Variants in PIAS2 observed in about 807,000 individuals in gnomAD.
The protein encoded by PIAS2 is protein inhibitor of activated STAT 2.
PIAS2 carries 19 observed loss-of-function variants against 69.7 expected under a neutral mutation model. The observed-to-expected ratio is 0.27, with a 90% confidence interval of 0.19 to 0.40. The LOEUF (loss-of-function observed/expected upper bound fraction) is 0.40, where lower values mean the gene tolerates loss of function less well. Among genes scored for constraint, PIAS2 ranks in the 10% least tolerant of loss-of-function variants. The probability of loss-of-function intolerance (pLI) is 1.00; values close to 1 mark genes in which losing one functional copy is unlikely to be tolerated. For missense variants in PIAS2, 624 were observed against 757.0 expected, an observed-to-expected ratio of 0.82 and a Z score of 2.06; for synonymous variants, 261 against 263.2, an observed-to-expected ratio of 0.99 and a Z score of 0.08.
intron 2 of PIAS2, among the ~76,000 whole-genome samples, chr18:46,888,688 G>C (rs1268207148): frequency 1.3e-5 from 2 of 152,152 alleles, no homozygotes; most frequent in Non-Finnish European, 1.5e-5. Context: ...TTCTCGTAAG[G>C]AGCATGCAAT....
intron 5 of PIAS2, among the ~76,000 whole-genome samples, chr18:46,848,789 GA>G (rs1163861915): frequency 7.0e-6 from 1 of 143,726 alleles, no homozygotes; most frequent in African/African-American, 2.5e-5. Context: ...GTGTGTGTGT[GA>G]GAGAGAGAGA....
chr18:46,844,651 C>T (rs926015050), intron 7 of PIAS2, 83 bp downstream of exon 7: 7 of 466,826 alleles, frequency 1.5e-5, no homozygotes, highest in African/African-American at 1.4e-4. Flanking sequence ...TTGATGTGAG[C>T]AATATTTAAA....
At chr18:46,861,799 A>G (rs2048707416) in intron 3 of PIAS2, among the ~76,000 whole-genome samples, 1 of 152,232 alleles carries the variant, frequency 6.6e-6, no homozygotes, top group Non-Finnish European at 1.5e-5. Flanking sequence ...GAAGCAGAGT[A>G]GGATGACTCA....
At chr18:46,852,088 C>T (rs2047052723) in intron 5 of PIAS2, among the ~76,000 whole-genome samples, 1 of 152,182 alleles carries the variant, frequency 6.6e-6, no homozygotes, top group Non-Finnish European at 1.5e-5. Context: ...TCCTATAGGG[C>T]CACAGCAGCT....
rs2040634092 is a variant in PIAS2, at chr18:46,805,276, CAGAA to C, written c.*7153_*7156del. On this transcript the variant is annotated 3_prime_UTR_variant, in exon 14 of 14. Coordinates refer to ENST00000585916, the MANE Select transcript of PIAS2 (RefSeq NM_004671.5). ...TCTGGACAAGTAGCAAAGAGGAAAA[CAGAA>C]AGCGTGGTTCAGTAGACGAAAATGC... 1 of 152,152 alleles carries C rather than the reference CAGAA, an allele frequency of 6.6e-6. No homozygotes were observed. The highest frequency in any genetic ancestry group is 2.4e-5 in the African/African-American group (1 of 41,426). 9.4% of individuals were successfully genotyped at this position (152,152 alleles called of 1,614,324 possible).
Position 46,805,187 on chromosome 18 carries a change from C to CTAT in PIAS2, c.*7245_*7246insATA, listed in dbSNP as rs2040630264. 6.6e-6 allele frequency: 1 copy of CTAT among 151,906 alleles called. No individual in the cohort carries two copies. The highest frequency in any genetic ancestry group is 2.4e-5 in the African/African-American group (1 of 41,326). The allele number at this position is 151,906 out of a possible 1,614,324, so 9.4% of individuals were successfully genotyped here. On this transcript the variant is annotated 3_prime_UTR_variant, in exon 14 of 14. Coordinates refer to ENST00000585916, the MANE Select transcript of PIAS2 (RefSeq NM_004671.5). The stretch of plus-strand genomic sequence containing the variant: ...GAGAATGGGCAAAGGAACTATGCTA[C>CTAT]GTCATGTCGGAGGATGGATAGGTTA...
At chr18:46,907,005 G>GT (rs1168184787) in intron 1 of PIAS2, among the ~76,000 whole-genome samples, 1 of 152,146 alleles carries the variant, frequency 6.6e-6, no homozygotes, top group Non-Finnish European at 1.5e-5. Context: ...TACAAAGGCA[G>GT]TAAGGACCTG....
chr18:46,890,569 C>A lies in PIAS2; in HGVS notation c.499+11G>T. The A allele has an allele frequency of 1.3e-6, 2 of 1,553,204 alleles. No individual in the cohort carries two copies. Among genetic ancestry groups the A allele is most frequent in the South Asian group, 1.1e-5 (1 of 88,250 alleles). Reference sequence around the variant, plus strand: ...TCTTGTTCAGAAGAAACTGAATTCTCAAACACTTACCTAAACTCGTGGGCT... The same window carrying A: ...TCTTGTTCAGAAGAAACTGAATTCTAAAACACTTACCTAAACTCGTGGGCT... On this transcript the variant is annotated intron_variant, in intron 2 of 13. Transcript: ENST00000585916.
intron 9 of PIAS2, among the ~76,000 whole-genome samples, chr18:46,834,865 T>G (rs115158075): frequency 0.013 from 1,992 of 152,274 alleles, 41 homozygotes; most frequent in African/African-American, 0.044. Flanking sequence ...GGCATGAGAG[T>G]GAAATGATTT....
intron 2 of PIAS2, among the ~76,000 whole-genome samples, chr18:46,865,095 GA>G (rs1327153850): frequency 1.3e-5 from 2 of 152,078 alleles, no homozygotes; most frequent in Non-Finnish European, 2.9e-5. Context: ...ATTATTACCT[GA>G]AATGTATTTA....
chr18:46,890,559 A>C, intron 2 of PIAS2, 21 bp downstream of exon 2: 1 of 1,433,082 alleles, frequency 7.0e-7, no homozygotes, highest in Non-Finnish European at 9.8e-7. Context: ...TTCAGAAGAA[A>C]CTGAATTCTC....
chr18:46,817,306 C>T (rs1277221891), intron 12 of PIAS2: 4 of 984,234 alleles, frequency 4.1e-6, no homozygotes, highest in Admixed American at 6.2e-5. Context: ...CAAAAATGCT[C>T]ATTTTCTAAA....
At chr18:46,886,613 G>A (rs905623034) in intron 2 of PIAS2, among the ~76,000 whole-genome samples, 7 of 152,126 alleles carry the variant, frequency 4.6e-5, no homozygotes, top group Non-Finnish European at 8.8e-5. Context: ...CAAGGCGGGT[G>A]GATCACCTCA....
chr18:46,903,662 A>G (rs1269364039), intron 1 of PIAS2: 1 of 152,228 alleles, frequency 6.6e-6, no homozygotes, highest in Non-Finnish European at 1.5e-5. Flanking sequence ...CAAGTTCTTT[A>G]AAAACTATAC....
intron 10 of PIAS2, among the ~76,000 whole-genome samples, chr18:46,829,291 T>C (rs1422389659): frequency 1.3e-5 from 2 of 152,148 alleles, no homozygotes; most frequent in African/African-American, 4.8e-5. Flanking sequence ...AAATGGAAGG[T>C]AACAATTTGT....
Position 46,812,341 on chromosome 18 carries a change from T to TAAAA in PIAS2, c.*88_*91dup. On this transcript the variant is annotated 3_prime_UTR_variant, in exon 14 of 14. Transcript: ENST00000585916. The stretch of plus-strand genomic sequence containing the variant: ...TGACTTTCAATAAATACCAAATTAT[T>TAAAA]AAAAAAAAAAAAAAAAGAACGTTTC... 2 of 575,892 alleles carry TAAAA rather than the reference T, an allele frequency of 3.5e-6. No individual in the cohort carries two copies. The highest frequency in any genetic ancestry group is 3.2e-5 in the South Asian group (1 of 31,372). The allele number at this position is 575,892 out of a possible 1,614,324, so 35.7% of individuals were successfully genotyped here. A position where few individuals can be genotyped will look rare whatever the true frequency, so the allele number is the denominator to read the frequency against.
At position 46,807,933 on chromosome 18, in the gene PIAS2, A is replaced by G. The variant is rs182481844; in HGVS notation, c.*4500T>C. On this transcript the variant is annotated 3_prime_UTR_variant, in exon 14 of 14. Transcript: ENST00000585916. ...AAAAGTGGTATGAATCAAGAACTAC[A>G]AAAGTGTTCATATACCCTTGACTAG... The G allele has an allele frequency of 6.6e-6, 1 of 152,216 alleles. No individual in the cohort carries two copies. Among genetic ancestry groups the G allele is most frequent in the Non-Finnish European group, 1.5e-5 (1 of 68,038 alleles). The allele number at this position is 152,216 out of a possible 1,614,324, so 9.4% of individuals were successfully genotyped here.
intron 1 of PIAS2, chr18:46,915,466 T>C (rs1261975190): frequency 3.3e-5 from 5 of 152,044 alleles, no homozygotes; most frequent in Non-Finnish European, 7.3e-5. Context: ...CTCTGAAAAT[T>C]CTCCCCAGTT....
At chr18:46,849,013 C>T (rs562222995) in intron 5 of PIAS2, among the ~76,000 whole-genome samples, 1 of 152,260 alleles carries the variant, frequency 6.6e-6, no homozygotes, top group South Asian at 2.1e-4. Context: ...ATAATTCTGT[C>T]TGCTGGTATG....
Sources: allele counts gnomAD v4.1 joint callset (sites outside exome capture counted in the v4.1 genomes callset), GRCh38; gene constraint gnomAD v4.1.1; transcripts MANE v1.5; gene names NCBI Gene and HGNC (gene_info 2026-07-23, HGNC 2026-07-21).